Variants in ANKRD55 observed in about 807,000 individuals in gnomAD.
ANKRD55 encodes the protein ankyrin repeat domain 55, also known as ankyrin repeat domain-containing protein 55.
In ANKRD55, 41 loss-of-function variants were observed where a neutral mutation model predicts 60.6. The observed-to-expected ratio is 0.68, with a 90% CI of 0.53 to 0.88. The LOEUF (loss-of-function observed/expected upper bound fraction) is 0.88. Among genes scored for constraint, ANKRD55 ranks in the 40% least tolerant of loss-of-function variants. The pLI is 0.00. For missense variants in ANKRD55, 732 were observed against 767.6 expected, an observed-to-expected ratio of 0.95 and a Z score of 0.55; for synonymous variants, 264 against 290.3, an observed-to-expected ratio of 0.91 and a Z score of 0.92.
At position 56,117,398 on chromosome 5, in the gene ANKRD55, GTTATGT is replaced by G. The variant is rs1316966548; in HGVS notation, c.798-622_798-617del. On this transcript the variant is annotated intron_variant, in intron 8 of 11. Coordinates refer to ENST00000341048, the MANE Select transcript of ANKRD55 (RefSeq NM_024669.3). ...TATTAAAGGCATTGGTCTTTTATAG[GTTATGT>G]TTATGAAAACATTTTCTGTAATTTG... 1.3e-5 allele frequency among the ~76,000 whole-genome samples: 2 copies of G among 151,956 alleles called. 1 individual carries two copies. The highest frequency in any genetic ancestry group is 4.1e-4 in the South Asian group (2 of 4,820).
intron 2 of ANKRD55, among the ~76,000 whole-genome samples, chr5:56,222,955 C>T (rs36020068): frequency 0.066 from 10,024 of 152,204 alleles, 464 homozygotes; most frequent in African/African-American, 0.13. Flanking sequence ...GAGAACGTCC[C>T]CAACCTAGGA....
intron 10 of ANKRD55, among the ~76,000 whole-genome samples, chr5:56,106,435 T>C (rs1756477556): frequency 1.4e-5 from 2 of 144,588 alleles, no homozygotes; most frequent in Non-Finnish European, 3.0e-5. Context: ...TTTTTTTTTT[T>C]TTTTTTTTGA....
intron 11 of ANKRD55, among the ~76,000 whole-genome samples, chr5:56,101,422 T>C (rs1756270189): frequency 6.6e-6 from 1 of 152,056 alleles, no homozygotes; most frequent in Non-Finnish European, 1.5e-5. Context: ...TTGTCTGTGA[T>C]AAATGCAGTG....
chr5:56,193,146 C>G, intron 2 of ANKRD55: 1 of 681,158 alleles, frequency 1.5e-6, no homozygotes, highest in Non-Finnish European at 2.4e-6. Context: ...AGATTTAAGC[C>G]CTTTGTAAAA....
intron 2 of ANKRD55, among the ~76,000 whole-genome samples, chr5:56,221,187 T>G (rs939200703): frequency 6.6e-6 from 1 of 152,202 alleles, no homozygotes; most frequent in Non-Finnish European, 1.5e-5. Context: ...CTTTCAAAAC[T>G]CCTTTCAGAG....
At chr5:56,173,056 C>T (rs1228346157) in intron 4 of ANKRD55, among the ~76,000 whole-genome samples, 1 of 152,162 alleles carries the variant, frequency 6.6e-6, no homozygotes, top group African/African-American at 2.4e-5. Context: ...TGCCAGCTCC[C>T]CAAAACTCGA....
rs143509604 is a variant in ANKRD55, at chr5:56,177,219, G to A, written c.182-937C>T. Among the ~76,000 whole-genome samples the A allele has an allele frequency of 1.1e-3, 171 of 152,234 alleles. 1 individual carries two copies. In the East Asian group the frequency reaches 0.026, roughly 24 times the overall value. On this transcript the variant is annotated intron_variant, in intron 3 of 11. Coordinates refer to ENST00000341048, the MANE Select transcript of ANKRD55 (RefSeq NM_024669.3). The stretch of plus-strand genomic sequence containing the variant: ...TTGCAGTGCAGTCCCTAGGACACCA[G>A]AAATTGAGTTGCAGTCGGCAACTCA...
intron 5 of ANKRD55, among the ~76,000 whole-genome samples, chr5:56,163,951 G>A (rs1455224827): frequency 6.6e-6 from 1 of 152,086 alleles, no homozygotes; most frequent in Non-Finnish European, 1.5e-5. Flanking sequence ...AATTAGCCAG[G>A]CATGATGGTG....
intron 5 of ANKRD55, among the ~76,000 whole-genome samples, chr5:56,161,158 T>A (rs1758321148): frequency 6.6e-6 from 1 of 151,898 alleles, no homozygotes; most frequent in South Asian, 2.1e-4. Flanking sequence ...TTTTTTTTTT[T>A]AAACCACAAA....
chr5:56,205,266 G>C (rs1276577768), intron 2 of ANKRD55, among the ~76,000 whole-genome samples: 6 of 152,078 alleles, frequency 3.9e-5, no homozygotes, highest in Non-Finnish European at 8.8e-5. Context: ...TCACCATATT[G>C]GTCAGGCTGG....
intron 5 of ANKRD55, among the ~76,000 whole-genome samples, chr5:56,165,851 C>G (rs951869216): frequency 4.6e-5 from 7 of 152,138 alleles, no homozygotes; most frequent in African/African-American, 1.7e-4. Flanking sequence ...ATTGCTTGAA[C>G]CCAGGAGGCG....
chr5:56,153,707 G>T (rs1758115108), intron 6 of ANKRD55, among the ~76,000 whole-genome samples: 1 of 151,660 alleles, frequency 6.6e-6, no homozygotes, highest in Non-Finnish European at 1.5e-5. Context: ...CGTGGTGGTG[G>T]GTGCCTGTAA....
rs768170815 is a variant in ANKRD55 at position 56,183,533 on chromosome 5, G to T, written c.160C>A (p.Leu54Ile). 1.5e-5 allele frequency: 25 copies of T among 1,613,968 alleles called. No homozygotes were observed. The highest frequency in any genetic ancestry group is 1.9e-5 in the Non-Finnish European group (22 of 1,180,012). The change falls in exon 3 of 12, where the codon CTA (leucine) becomes ATA (isoleucine). Residue 54 changes from leucine to isoleucine, a missense_variant. Coordinates refer to ENST00000341048, the MANE Select transcript of ANKRD55 (RefSeq NM_024669.3). ...TCACCTTCACTGTCACAGCATTCTA[G>T]GATAGAAGGGTCTTCCCGAATCACT... ...TAVIREDPSI[L>I]ECCDSEGCTP...
At chr5:56,180,884 G>A (rs1407672555) in intron 3 of ANKRD55, among the ~76,000 whole-genome samples, 1 of 152,194 alleles carries the variant, frequency 6.6e-6, no homozygotes, top group East Asian at 1.9e-4. Flanking sequence ...AAAAGTAATA[G>A]TTTTCTTTTT....
At chr5:56,111,966 C>A (rs903472176) in intron 9 of ANKRD55, among the ~76,000 whole-genome samples, 184 bp from the exon 10 acceptor site, 22 of 152,284 alleles carry the variant, frequency 1.4e-4, no homozygotes, top group African/African-American at 5.1e-4. Flanking sequence ...GGCAATCCCG[C>A]CCAGAAGAGG....
chr5:56,137,505 A>G, intron 7 of ANKRD55: 1 of 785,976 alleles, frequency 1.3e-6, no homozygotes, highest in South Asian at 1.4e-5. Flanking sequence ...GAAACTGAAG[A>G]AACAAAAACT....
chr5:56,116,814 T>A, intron 8 of ANKRD55, 32 bp from the exon 9 acceptor site: 1 of 1,547,304 alleles, frequency 6.5e-7, no homozygotes, highest in Non-Finnish European at 8.7e-7. Flanking sequence ...AGCACAAGCG[T>A]CTGAGCATGT....
At chr5:56,135,268 C>CCTTCTT (rs1561263805) in intron 7 of ANKRD55, among the ~76,000 whole-genome samples, 1,105 of 101,564 alleles carry the variant, frequency 0.011, 48 homozygotes, top group South Asian at 0.043. Context: ...CCTTCTTTCC[C>CCTTCTT]TCCCTCCCTC....
intron 2 of ANKRD55, among the ~76,000 whole-genome samples, chr5:56,225,548 CTGTT>C (rs1328169064): frequency 2.0e-5 from 3 of 152,222 alleles, no homozygotes; most frequent in Non-Finnish European, 4.4e-5. Context: ...CAAATTGTCT[CTGTT>C]TGCAGATGAC....
Sources: gnomAD v4.1 joint callset for allele counts (sites outside exome capture counted in the v4.1 genomes callset) on GRCh38, gnomAD v4.1.1 for gene constraint, MANE v1.5 for transcripts, NCBI Gene and HGNC (gene_info 2026-07-23, HGNC 2026-07-21) for gene names.